Variants in GCNT1 observed in about 807,000 individuals in gnomAD.
GCNT1 encodes beta-1,3-galactosyl-O-glycosyl-glycoprotein beta-1,6-N-acetylglucosaminyltransferase.
In GCNT1, 16 loss-of-function variants were observed where a neutral mutation model predicts 26.2. The ratio of observed to expected loss-of-function variants is 0.61; its 90% CI spans 0.41 to 0.93. The LOEUF is 0.93. Ranked by LOEUF, GCNT1 falls within the 40% of genes least tolerant of loss-of-function variation. The pLI, the probability that GCNT1 is intolerant of heterozygous loss-of-function variation, is 0.00. For missense variants in GCNT1, 477 were observed against 526.7 expected (o/e 0.91, Z 0.92); for synonymous variants, 183 against 190.8 (o/e 0.96, Z 0.34).
chr9:76,432,322 A>C (rs544367068), intron 1 of GCNT1, among the ~76,000 whole-genome samples: 66 of 152,112 alleles, frequency 4.3e-4, no homozygotes, highest in Non-Finnish European at 8.2e-4. Context: ...AAAATGTCTA[A>C]TATCTAGTTT....
At chr9:76,495,047 TTAACTGGCCGA>T (rs1824866664) in intron 2 of GCNT1, among the ~76,000 whole-genome samples, 1 of 152,166 alleles carries the variant, frequency 6.6e-6, no homozygotes, top group Non-Finnish European at 1.5e-5. Flanking sequence ...CTAGTCGCTT[TTAACTGGCCGA>T]TAGGTGCCCA....
intron 2 of GCNT1, among the ~76,000 whole-genome samples, chr9:76,463,787 T>C (rs1998587): frequency 0.12 from 17,611 of 152,194 alleles, 1,131 homozygotes; most frequent in Middle Eastern, 0.21. Flanking sequence ...TATCACAATC[T>C]TAAGTGGTAC....
chr9:76,467,456 G>A (rs932771864), intron 2 of GCNT1, among the ~76,000 whole-genome samples: 3 of 151,996 alleles, frequency 2.0e-5, no homozygotes, highest in Non-Finnish European at 2.9e-5. Context: ...CATGGTTCTC[G>A]GTGTTGGCTA....
At chr9:76,486,076 G>A (rs1824566164) in intron 2 of GCNT1, among the ~76,000 whole-genome samples, 1 of 152,204 alleles carries the variant, frequency 6.6e-6, no homozygotes, top group African/African-American at 2.4e-5. Flanking sequence ...CAAACTTGGG[G>A]GCCAGATTAT....
the GCNT1 span, among the ~76,000 whole-genome samples, chr9:76,411,138 C>T: frequency 2.0e-5 from 3 of 151,824 alleles, no homozygotes; most frequent in Non-Finnish European, 4.4e-5. Flanking sequence ...TTTTTTAATC[C>T]ACTCTGACAA....
the GCNT1 span, chr9:76,399,562 A>G: frequency 2.8e-6 from 4 of 1,430,784 alleles, no homozygotes; most frequent in Non-Finnish European, 3.9e-6. Context: ...CTGAATGGGT[A>G]GGAGCAACCA....
At position 76,503,427 on chromosome 9, in the gene GCNT1, C is replaced by G. The variant is rs779852980; in HGVS notation, c.1046C>G (p.Ala349Gly). The change falls in exon 4 of 4, where the codon GCA (alanine) becomes GGA (glycine). Residue 349 changes from alanine (A) to glycine (G), a missense_variant. Ala to Gly is a moderately conservative substitution (Grantham distance 60). Transcript: ENST00000376730. ...SHKYDLSDMQ[A>G]VARFVKWQYF... is the part of the protein sequence containing the mutation. ...AAGTATGATCTGTCTGACATGCAAG[C>G]AGTTGCCAGGTTTGTCAAGTGGCAG... 6.2e-7 allele frequency: 1 copy of G among 1,614,174 alleles called. No individual in the cohort carries two copies. The highest frequency in any genetic ancestry group is 8.5e-7 in the Non-Finnish European group (1 of 1,180,006).
At chr9:76,395,850 A>G in the GCNT1 span, among the ~76,000 whole-genome samples, 1 of 152,250 alleles carries the variant, frequency 6.6e-6, no homozygotes, top group Admixed American at 6.5e-5. Context: ...CAAGGTGTGT[A>G]CAGGATTCTC....
upstream of GCNT1, chr9:76,459,102 TCGCGCAGGTGGG>T (rs1280643437): frequency 1.3e-5 from 2 of 152,270 alleles, no homozygotes; most frequent in Non-Finnish European, 2.9e-5. Context: ...AGCCCCGAGC[TCGCGCAGGTGGG>T]CGAGGCGGGG....
At chr9:76,447,809 C>G (rs987941115) in intron 1 of GCNT1, among the ~76,000 whole-genome samples, 2 of 152,208 alleles carry the variant, frequency 1.3e-5, no homozygotes, top group African/African-American at 4.8e-5. Flanking sequence ...AGCCCCCTGG[C>G]TCATCCGTCT....
chr9:76,499,899 G>T (rs953871802), intron 2 of GCNT1, among the ~76,000 whole-genome samples: 1 of 151,604 alleles, frequency 6.6e-6, no homozygotes, highest in Admixed American at 6.6e-5. Flanking sequence ...TTATTATTAA[G>T]GGTTCATTCT....
intron 2 of GCNT1, among the ~76,000 whole-genome samples, chr9:76,496,850 C>T (rs773741416): frequency 1.8e-4 from 27 of 152,116 alleles, no homozygotes; most frequent in Non-Finnish European, 3.2e-4. Context: ...TTAGGTTATG[C>T]GATCTACTTA....
intron 2 of GCNT1, among the ~76,000 whole-genome samples, chr9:76,467,897 G>GTTTTTTTTTTTTTTTT (rs35387152): frequency 1.7e-5 from 1 of 59,054 alleles, no homozygotes; most frequent in Non-Finnish European, 3.1e-5. Context: ...CTCTTTCAGT[G>GTTTTTTTTTTTTTTTT]TTTTTTTTTT....
intron 1 of GCNT1, chr9:76,420,482 C>G (rs1227732448): frequency 6.6e-6 from 1 of 151,650 alleles, no homozygotes; most frequent in African/African-American, 2.4e-5. Flanking sequence ...GCTATGTTGC[C>G]CAGTCTGGCC....
chr9:76,426,235 A>G (rs1280432110), intron 1 of GCNT1, among the ~76,000 whole-genome samples: 1 of 152,194 alleles, frequency 6.6e-6, no homozygotes, highest in Non-Finnish European at 1.5e-5. Flanking sequence ...GGAGGTTAAA[A>G]GGAAGATGGA....
intron 2 of GCNT1, among the ~76,000 whole-genome samples, chr9:76,468,857 A>T (rs73449881): frequency 0.098 from 14,969 of 152,212 alleles, 1,180 homozygotes; most frequent in African/African-American, 0.22. Flanking sequence ...TGTGTGGAGA[A>T]GTTTTCATTG....
At chr9:76,454,842 CTTTT>C (rs1183951605), upstream of GCNT1, among the ~76,000 whole-genome samples, 769 of 105,618 alleles carry the variant, frequency 7.3e-3, 3 homozygotes, top group Non-Finnish European at 0.011. Flanking sequence ...CTTTTCTTTT[CTTTT>C]TTTTTTTTTT....
intron 2 of GCNT1, among the ~76,000 whole-genome samples, chr9:76,491,112 ACTT>A (rs1186210634): frequency 5.3e-5 from 8 of 151,246 alleles, no homozygotes; most frequent in East Asian, 3.9e-4. Flanking sequence ...TTTCTCTTTG[ACTT>A]CTTCTTTGTC....
upstream of GCNT1, among the ~76,000 whole-genome samples, chr9:76,416,160 C>G (rs546898405): frequency 1.3e-5 from 2 of 152,182 alleles, no homozygotes; most frequent in African/African-American, 4.8e-5. Context: ...CACTTACAGA[C>G]AAGCAGAGTG....
Sources: gnomAD v4.1 joint callset for allele counts (sites outside exome capture counted in the v4.1 genomes callset) on GRCh38, gnomAD v4.1.1 for gene constraint, MANE v1.5 for transcripts, NCBI Gene and HGNC (gene_info 2026-07-23, HGNC 2026-07-21) for gene names.